The following PRDM16 variants were observed in gnomAD, a reference collection of about 807,000 sequenced individuals.
PRDM16 encodes the protein histone-lysine N-methyltransferase PRDM16.
In PRDM16, 23 loss-of-function variants were observed where a neutral mutation model predicts 110.6. The observed-to-expected ratio is 0.21, with a 90% CI of 0.15 to 0.29. The LOEUF (loss-of-function observed/expected upper bound fraction) is 0.29. Ranked by LOEUF, PRDM16 falls within the 10% of genes least tolerant of loss-of-function variation. The pLI is 1.00. For synonymous variants in PRDM16, 799 were observed against 781.8 expected (o/e 1.02, Z -0.37); for missense variants, 1,615 against 1,794.3 (o/e 0.90, Z 1.81).
Position 3,186,167 on chromosome 1 carries a change from A to T in PRDM16, c.80A>T (p.Asp27Val). 6.2e-7 allele frequency: 1 copy of T among 1,612,770 alleles called. No individual in the cohort carries two copies. Among genetic ancestry groups the T allele is most frequent in the East Asian group, 2.2e-5 (1 of 44,858 alleles). The change falls in exon 2 of 17, where the codon GAC (aspartate) becomes GTC (valine). Residue 27 changes from aspartate (D) to valine (V), a missense_variant. Coordinates refer to ENST00000270722, the MANE Select transcript of PRDM16 (RefSeq NM_022114.4). ...AATAATATGTATGAGCCCAACCGGG[A>T]CCTGCTGGCCAGCCACAGCGCGGAG... Reference protein sequence around the residue: ...VVNNMYEPNRDLLASHSAEDE... With the variant: ...VVNNMYEPNRVLLASHSAEDE...
intron 1 of PRDM16, among the ~76,000 whole-genome samples, chr1:3,074,409 TTCTG>T (rs1392210402): frequency 6.6e-6 from 1 of 152,012 alleles, no homozygotes; most frequent in Non-Finnish European, 1.5e-5. Flanking sequence ...ATAGGGTTTT[TTCTG>T]TGTGTGTGTG....
intron 3 of PRDM16, among the ~76,000 whole-genome samples, chr1:3,333,858 C>G (rs921362926): frequency 6.6e-6 from 1 of 152,112 alleles, no homozygotes; most frequent in Non-Finnish European, 1.5e-5. Flanking sequence ...CCCTCTTGCC[C>G]ACTCTATCAC....
intron 2 of PRDM16, among the ~76,000 whole-genome samples, chr1:3,188,712 T>A (rs2817138): frequency 1.3e-5 from 2 of 152,182 alleles, no homozygotes; most frequent in African/African-American, 2.4e-5. Context: ...TGGGACCACC[T>A]TTGAGTTTTG....
chr1:3,193,518 C>T (rs1331819835), intron 2 of PRDM16, among the ~76,000 whole-genome samples: 1 of 152,196 alleles, frequency 6.6e-6, no homozygotes, highest in Admixed American at 6.5e-5. Flanking sequence ...CCCTTTGCAC[C>T]CCTGGAGCTG....
At chr1:3,423,733 G>A (rs764833308) in intron 12 of PRDM16, among the ~76,000 whole-genome samples, 1 of 152,176 alleles carries the variant, frequency 6.6e-6, no homozygotes, top group Non-Finnish European at 1.5e-5. Flanking sequence ...CCCCATCCTG[G>A]TGCCTCCACA....
intron 3 of PRDM16, among the ~76,000 whole-genome samples, chr1:3,261,634 G>T (rs183142875): frequency 6.6e-6 from 1 of 152,134 alleles, no homozygotes; most frequent in Admixed American, 6.5e-5. Flanking sequence ...ACCAGCCCAC[G>T]CACACACCAG....
intron 3 of PRDM16, among the ~76,000 whole-genome samples, chr1:3,344,266 A>T (rs1642323150): frequency 1.3e-5 from 2 of 152,146 alleles, no homozygotes; most frequent in South Asian, 4.2e-4. Context: ...TGAGCCCAGG[A>T]TCACGTCACT....
At chr1:3,187,940 C>T (rs535401261) in intron 2 of PRDM16, among the ~76,000 whole-genome samples, 110 of 150,622 alleles carry the variant, frequency 7.3e-4, no homozygotes, top group Non-Finnish European at 1.2e-3. Context: ...AACGGGCGTA[C>T]CCCCCCAACG....
chr1:3,282,817 C>T (rs1342385828), intron 3 of PRDM16, among the ~76,000 whole-genome samples: 1 of 152,134 alleles, frequency 6.6e-6, no homozygotes, highest in Non-Finnish European at 1.5e-5. Context: ...CAGCCGTGGC[C>T]GGAGGGGCAC....
At chr1:3,351,404 C>A (rs1488402917) in intron 3 of PRDM16, among the ~76,000 whole-genome samples, 2 of 151,754 alleles carry the variant, frequency 1.3e-5, no homozygotes, top group African/African-American at 4.8e-5. Flanking sequence ...CTTCAGAACC[C>A]AGAACCCGTC....
intron 2 of PRDM16, among the ~76,000 whole-genome samples, chr1:3,234,633 C>T (rs2817163): frequency 6.6e-6 from 1 of 152,230 alleles, no homozygotes; most frequent in African/African-American, 2.4e-5. Context: ...CGGGCCCCAC[C>T]GTGACTGTGC....
At chr1:3,168,871 C>G (rs1307731675) in intron 1 of PRDM16, among the ~76,000 whole-genome samples, 2 of 152,178 alleles carry the variant, frequency 1.3e-5, no homozygotes, top group African/African-American at 4.8e-5. Flanking sequence ...AGATGAGAAG[C>G]TCTGGCCTAC....
At chr1:3,346,498 C>A (rs1190976383) in intron 3 of PRDM16, among the ~76,000 whole-genome samples, 1 of 152,170 alleles carries the variant, frequency 6.6e-6, no homozygotes, top group Non-Finnish European at 1.5e-5. Flanking sequence ...TCCTGGAGCA[C>A]CCGCGGCATA....
At chr1:3,306,788 G>C (rs1641324840) in intron 3 of PRDM16, 1 of 152,034 alleles carries the variant, frequency 6.6e-6, no homozygotes, top group Non-Finnish European at 1.5e-5. Flanking sequence ...TTTTATCACT[G>C]AAAAAAGAAA....
chr1:3,284,766 G>A (rs561073940), intron 3 of PRDM16, among the ~76,000 whole-genome samples: 5 of 152,218 alleles, frequency 3.3e-5, no homozygotes, highest in East Asian at 1.9e-4. Flanking sequence ...GGGGCTTCAC[G>A]GAGCACCTGT....
intron 3 of PRDM16, among the ~76,000 whole-genome samples, chr1:3,378,642 C>G (rs1490980277): frequency 1.3e-5 from 2 of 152,108 alleles, no homozygotes; most frequent in Non-Finnish European, 2.9e-5. Context: ...CTCGACAGCA[C>G]CCTGCATGGC....
rs144282436 is a variant in PRDM16, at chr1:3,076,494, G to A, written c.37+7198G>A. Among the ~76,000 whole-genome samples, 448 of 152,330 alleles carry A rather than the reference G, an allele frequency of 2.9e-3. 3 individuals are homozygous for A. The highest frequency in any genetic ancestry group is 0.01 in the African/African-American group (418 of 41,570). On this transcript the variant is annotated intron_variant, in intron 1 of 16. Coordinates refer to ENST00000270722, the MANE Select transcript of PRDM16 (RefSeq NM_022114.4). The stretch of plus-strand genomic sequence containing the variant: ...CTGCGTGGAGTGGCTCAGGGAAAGC[G>A]TCAGGGCATGCAGGAGCAGGGACAC...
intron 4 of PRDM16, among the ~76,000 whole-genome samples, chr1:3,393,642 A>AC (rs1643334015): frequency 6.6e-6 from 1 of 151,718 alleles, no homozygotes; most frequent in South Asian, 2.1e-4. Flanking sequence ...AAGTCGCCTG[A>AC]CCCCGCCGGC....
chr1:3,389,949 G>GCCCCCCCCCCCCC (rs70938087), intron 4 of PRDM16, among the ~76,000 whole-genome samples: 75 of 107,004 alleles, frequency 7.0e-4, no homozygotes, highest in Admixed American at 1.2e-3. Context: ...CTGGGGGTGC[G>GCCCCCCCCCCCCC]CCCCCCCCCC....
Sources: gnomAD v4.1 joint callset for allele counts (sites outside exome capture counted in the v4.1 genomes callset) on GRCh38, gnomAD v4.1.1 for gene constraint, MANE v1.5 for transcripts, NCBI Gene and HGNC (gene_info 2026-07-23, HGNC 2026-07-21) for gene names.